The following ASAP1 variants were observed in gnomAD, a reference collection of about 807,000 sequenced individuals.
ASAP1 encodes the protein ArfGAP with SH3 domain, ankyrin repeat and PH domain 1, also known as arf-GAP with SH3 domain, ANK repeat and PH domain-containing protein 1.
ASAP1 carries 43 observed loss-of-function variants against 145.2 expected under a neutral mutation model. The observed-to-expected ratio is 0.30, with a 90% CI of 0.23 to 0.38. The LOEUF (loss-of-function observed/expected upper bound fraction) is 0.38, where lower values mean the gene tolerates loss of function less well. Ranked by LOEUF, ASAP1 falls within the 10% of genes least tolerant of loss-of-function variation. The pLI is 1.00. For missense variants in ASAP1, 1,018 were observed against 1,355.3 expected, an observed-to-expected ratio of 0.75 and a Z score of 3.91; for synonymous variants, 546 against 515.5, an observed-to-expected ratio of 1.06 and a Z score of -0.80.
chr8:130,228,713 A>AAT (rs1306612426), intron 4 of ASAP1, among the ~76,000 whole-genome samples: 1 of 151,828 alleles, frequency 6.6e-6, no homozygotes, highest in East Asian at 1.9e-4. Context: ...AAAAAAAAAA[A>AAT]AAGAAAAAGA....
chr8:130,381,533 A>C (rs1827769256), intron 2 of ASAP1, among the ~76,000 whole-genome samples: 1 of 137,862 alleles, frequency 7.3e-6, no homozygotes, highest in Non-Finnish European at 1.5e-5. Context: ...GTATTAGATG[A>C]CACAGTTTGA....
chr8:130,082,653 C>T (rs2135343687), intron 25 of ASAP1: 1 of 151,706 alleles, frequency 6.6e-6, no homozygotes, highest in Non-Finnish European at 1.5e-5. Context: ...ACATGCATGA[C>T]CCACCATGCC....
intron 3 of ASAP1, among the ~76,000 whole-genome samples, chr8:130,318,080 G>A (rs1412252226): frequency 5.3e-5 from 8 of 152,190 alleles, no homozygotes; most frequent in Admixed American, 5.2e-4. Context: ...GGAATCCATG[G>A]ACCAGATGTT....
intron 4 of ASAP1, among the ~76,000 whole-genome samples, chr8:130,223,903 T>C (rs915468740): frequency 2.0e-5 from 3 of 152,148 alleles, no homozygotes; most frequent in Non-Finnish European, 2.9e-5. Flanking sequence ...TTCCAGAGGA[T>C]AGCTGGGATA....
At chr8:130,167,462 C>G in intron 11 of ASAP1, 74 bp downstream of exon 11, 1 of 1,182,224 alleles carries the variant, frequency 8.5e-7, no homozygotes, top group Admixed American at 1.7e-5. Flanking sequence ...TCTTGCAGAT[C>G]AGGAAACACA....
Position 130,099,012 on chromosome 8 carries a change from C to CTTTTT in ASAP1, c.2402-6874_2402-6870dup, listed in dbSNP as rs61047760. The stretch of plus-strand genomic sequence containing the variant: ...GCTCAATACTCTCTACTAATATAAG[C>CTTTTT]TTTTTTTTTTTTTTTTTTGAGACAG... On this transcript the variant is annotated intron_variant, in intron 24 of 29. Coordinates refer to ENST00000518721, the MANE Select transcript of ASAP1 (RefSeq NM_018482.4). 1.8e-4 allele frequency among the ~76,000 whole-genome samples: 21 copies of CTTTTT among 116,102 alleles called. 1 individual carries two copies. The highest frequency in any genetic ancestry group is 3.2e-4 in the African/African-American group (10 of 31,436). The allele number at this position is 116,102 out of a possible 152,430, so 76.2% of individuals were successfully genotyped here.
chr8:130,350,029 G>A (rs937317528), intron 3 of ASAP1, among the ~76,000 whole-genome samples: 13 of 152,150 alleles, frequency 8.5e-5, no homozygotes, highest in Admixed American at 6.5e-4. Flanking sequence ...TGAAGGCAAA[G>A]GTCTGGGTAG....
At chr8:130,315,569 T>C (rs774177235) in intron 3 of ASAP1, among the ~76,000 whole-genome samples, 1 of 152,194 alleles carries the variant, frequency 6.6e-6, no homozygotes, top group Non-Finnish European at 1.5e-5. Context: ...CGAGTCTGAA[T>C]TAGGCTGAGC....
rs59778799 is a variant in ASAP1 at position 130,101,732 on chromosome 8, A to ATTTTTTTTTTTTTTTTTTTTTTTT, written c.2402-9590_2402-9589insAAAAAAAAAAAAAAAAAAAAAAAA. 7.5e-4 allele frequency among the ~76,000 whole-genome samples: 65 copies of ATTTTTTTTTTTTTTTTTTTTTTTT among 86,922 alleles called. 5 individuals carry two copies. The highest frequency in any genetic ancestry group is 3.4e-3 in the African/African-American group (62 of 18,088). The allele number at this position is 86,922 out of a possible 152,430, so 57.0% of individuals were successfully genotyped here. A position where few individuals can be genotyped will look rare whatever the true frequency, so the allele number is the denominator to read the frequency against. On this transcript the variant is annotated intron_variant, in intron 24 of 29. Transcript: ENST00000518721. ...AGGCATGTGCTACCACACCTGGTTA[A>ATTTTTTTTTTTTTTTTTTTTTTTT]TTTTTTTTTTTTTTTTTTTTGCAGA...
chr8:130,228,634 G>A (rs1400122451), intron 4 of ASAP1, among the ~76,000 whole-genome samples: 4 of 151,026 alleles, frequency 2.6e-5, no homozygotes, highest in Admixed American at 1.3e-4. Flanking sequence ...CCAGGATGGC[G>A]AGGCTGAAGT....
Position 130,214,782 on chromosome 8 carries a change from G to A in ASAP1, c.260-81C>T, listed in dbSNP as rs1053280027. 1.7e-5 allele frequency: 20 copies of A among 1,201,882 alleles called. No homozygotes were observed. In the East Asian group the frequency reaches 3.4e-4, roughly 20 times the overall value. 74.5% of individuals were successfully genotyped at this position (1,201,882 alleles called of 1,614,324 possible). A position where few individuals can be genotyped will look rare whatever the true frequency, so the allele number is the denominator to read the frequency against. On this transcript the variant is annotated intron_variant, in intron 4 of 29. Transcript: ENST00000518721. The stretch of plus-strand genomic sequence containing the variant: ...AGTTACTTTGAACACCGATCACTAC[G>A]AATTCTCAAAATGGAAGCATAAACT...
intron 3 of ASAP1, among the ~76,000 whole-genome samples, chr8:130,337,670 C>T (rs776556459): frequency 3.3e-5 from 5 of 152,160 alleles, no homozygotes; most frequent in Non-Finnish European, 7.4e-5. Flanking sequence ...AAACCTCATC[C>T]ACAACTTCTC....
chr8:130,194,941 T>TTACA (rs1815379390), intron 5 of ASAP1, among the ~76,000 whole-genome samples: 1 of 152,202 alleles, frequency 6.6e-6, no homozygotes, highest in Non-Finnish European at 1.5e-5. Flanking sequence ...TCCAAGGCAC[T>TTACA]TACAATACAG....
intron 24 of ASAP1, among the ~76,000 whole-genome samples, chr8:130,109,367 C>A (rs1318574056): frequency 6.6e-6 from 1 of 152,090 alleles, no homozygotes; most frequent in Non-Finnish European, 1.5e-5. Flanking sequence ...CCTTGAATTT[C>A]GATGAGGCAG....
intron 5 of ASAP1, among the ~76,000 whole-genome samples, chr8:130,208,931 A>T (rs528961203): frequency 6.6e-6 from 1 of 152,312 alleles, no homozygotes; most frequent in South Asian, 2.1e-4. Flanking sequence ...TCCCCCTAAA[A>T]AAAAAGAGGT....
chr8:130,277,437 G>A (rs1297729521), intron 3 of ASAP1, among the ~76,000 whole-genome samples: 1 of 152,174 alleles, frequency 6.6e-6, no homozygotes, highest in Non-Finnish European at 1.5e-5. Flanking sequence ...AGAAAGTTCA[G>A]TAGAAAAAAT....
intron 3 of ASAP1, among the ~76,000 whole-genome samples, chr8:130,281,458 T>A (rs973759334): frequency 6.6e-6 from 1 of 152,222 alleles, no homozygotes; most frequent in Non-Finnish European, 1.5e-5. Context: ...TTGATTTTTT[T>A]AATCATGACA....
intron 3 of ASAP1, among the ~76,000 whole-genome samples, chr8:130,251,042 A>G (rs1189106064): frequency 2.0e-5 from 3 of 152,206 alleles, no homozygotes; most frequent in Non-Finnish European, 4.4e-5. Flanking sequence ...ATAACTAATT[A>G]CAATCAGAAT....
At chr8:130,345,080 A>G (rs1311032425) in intron 3 of ASAP1, among the ~76,000 whole-genome samples, 1 of 152,126 alleles carries the variant, frequency 6.6e-6, no homozygotes, top group Non-Finnish European at 1.5e-5. Context: ...ATTATTTTTA[A>G]CTTTTTGAGC....
Sources: gnomAD v4.1 joint callset for allele counts (sites outside exome capture counted in the v4.1 genomes callset) on GRCh38, gnomAD v4.1.1 for gene constraint, MANE v1.5 for transcripts, NCBI Gene and HGNC (gene_info 2026-07-23, HGNC 2026-07-21) for gene names.